ERFL: variants seen among roughly 807,000 people sequenced by gnomAD.
ERFL encodes ETS domain-containing transcription factor ERF-like.
A neutral mutation model predicts 27.9 loss-of-function variants in ERFL; 8 were observed. That is an observed-to-expected ratio of 0.29 (90% CI 0.17 to 0.52). The LOEUF is 0.52. Ranked by LOEUF, ERFL falls within the 20% of genes least tolerant of loss-of-function variation. The pLI is 0.97. For missense variants in ERFL, 294 were observed against 444.4 expected, an observed-to-expected ratio of 0.66 and a Z score of 3.04; for synonymous variants, 174 against 202.8, an observed-to-expected ratio of 0.86 and a Z score of 1.21.
At chr19:41,922,610 C>T (rs924482283) in intron 1 of ERFL, among the ~76,000 whole-genome samples, 2 of 151,372 alleles carry the variant, frequency 1.3e-5, no homozygotes, top group Non-Finnish European at 2.9e-5. Flanking sequence ...CTCCGAGGGA[C>T]GAGGGACCAG....
At chr19:41,926,705 GC>G (rs1254156318) in intron 1 of ERFL, among the ~76,000 whole-genome samples, 1 of 150,670 alleles carries the variant, frequency 6.6e-6, no homozygotes, top group African/African-American at 2.4e-5. Flanking sequence ...GGCCGCGGCG[GC>G]CGGCCGGGAG....
In ERFL at chr19:41,908,878, C is replaced by G. The variant is rs1555850981; in HGVS notation, c.616+182G>C. On this transcript the variant is annotated intron_variant, in intron 5 of 5. Coordinates refer to ENST00000597630, the MANE Select transcript of ERFL (RefSeq NM_001365103.2). The surrounding 1 kb of genome is among the most constrained non-coding windows in gnomAD (Gnocchi z 6.7). The stretch of plus-strand genomic sequence containing the variant: ...ATTCCTTAGGCACCCCTGAAAGCCC[C>G]TGTCTCCCTCATTTCCCCTCCCTCA... Among the ~76,000 whole-genome samples, 1 of 151,872 alleles carries G rather than the reference C, an allele frequency of 6.6e-6. No individual in the cohort carries two copies. Among genetic ancestry groups the G allele is most frequent in the Non-Finnish European group, 1.5e-5 (1 of 67,926 alleles).
chr19:41,914,574 CGTCTCTCCCTCCCTTTCCACCATCTCT>C (rs1487785945), intron 1 of ERFL, among the ~76,000 whole-genome samples: 473 of 17,936 alleles, frequency 0.026, 104 homozygotes, highest in African/African-American at 0.073. Context: ...TCTCTGTCTC[CGTCTCTCCCTCCCTTTCCACCATCTCT>C]GTCTCTCCCT....
rs1235028004 is a variant in ERFL, at chr19:41,917,598, C to T, written c.-13-4666G>A. On this transcript the variant is annotated intron_variant, in intron 1 of 5. Coordinates refer to ENST00000597630, the MANE Select transcript of ERFL (RefSeq NM_001365103.2). The surrounding 1 kb of genome is among the most constrained non-coding windows in gnomAD (Gnocchi z 4.8). ...AGAGGAGAGAGACGCGGCCTAAGAC[C>T]CTTCTGCCACCGCCGCCCCCGCATG... is the stretch of plus-strand genomic sequence containing the variant. Among the ~76,000 whole-genome samples, 3 of 151,862 alleles carry T rather than the reference C, an allele frequency of 2.0e-5. No homozygotes were observed. The highest frequency in any genetic ancestry group is 2.1e-4 in the South Asian group (1 of 4,808).
rs1256187132 is a variant in ERFL, at chr19:41,909,411, G to A, written c.363C>T (p.Phe121=). The part of the protein sequence containing the change: ...KTKGKRFTYK[F]NFSKVVLVNY... Reference sequence around the variant, plus strand: ...TGACAAGCACGACTTTGCTGAAGTTGAACTTGTAGGTGAACCTCTTCCCTT... The same window carrying A: ...TGACAAGCACGACTTTGCTGAAGTTAAACTTGTAGGTGAACCTCTTCCCTT... Residue 121 remains phenylalanine (F), a synonymous_variant, in exon 4 of 6, where the codon TTC becomes TTT. Coordinates refer to ENST00000597630, the MANE Select transcript of ERFL (RefSeq NM_001365103.2). The surrounding 1 kb of genome is among the most constrained non-coding windows in gnomAD (Gnocchi z 5.2). The A allele has an allele frequency of 8.1e-7, 1 of 1,237,688 alleles. No individual in the cohort carries two copies. Among genetic ancestry groups the A allele is most frequent in the Admixed American group, 4.2e-5 (1 of 23,916 alleles). 76.7% of individuals were successfully genotyped at this position (1,237,688 alleles called of 1,614,324 possible). A position where few individuals can be genotyped will look rare whatever the true frequency, so the allele number is the denominator to read the frequency against.
chr19:41,908,700 G>C lies in ERFL; in HGVS notation c.617-24C>G. ...ACCTGGGGGGCACAGGGGTAGGTCA[G>C]GCTGGGGCACCTGCCTGCCTGGGGA... On this transcript the variant is annotated intron_variant, in intron 5 of 5. Transcript: ENST00000597630. This position sits in a 1 kb window ranked among gnomAD's most constrained non-coding sequence, Gnocchi z 6.7. The C allele has an allele frequency of 8.3e-7, 1 of 1,210,824 alleles. No individual in the cohort carries two copies. Among genetic ancestry groups the C allele is most frequent in the Non-Finnish European group, 1.0e-6 (1 of 968,974 alleles). The allele number at this position is 1,210,824 out of a possible 1,614,324, so 75.0% of individuals were successfully genotyped here. A position where few individuals can be genotyped will look rare whatever the true frequency, so the allele number is the denominator to read the frequency against.
rs2074736812 is a variant in ERFL at position 41,909,014 on chromosome 19, C to T, written c.616+46G>A. ...TCATCCTCTTCCCTCAAGCCTGCAG[C>T]TTCTCCCACTGTGCCCCCAGCACCC... On this transcript the variant is annotated intron_variant, in intron 5 of 5. Coordinates refer to ENST00000597630, the MANE Select transcript of ERFL (RefSeq NM_001365103.2). This position sits in a 1 kb window ranked among gnomAD's most constrained non-coding sequence, Gnocchi z 5.2. 15 of 1,125,000 alleles carry T rather than the reference C, an allele frequency of 1.3e-5. No individual in the cohort carries two copies. Among genetic ancestry groups the T allele is most frequent in the South Asian group, 9.1e-5 (2 of 21,878 alleles). 69.7% of individuals were successfully genotyped at this position (1,125,000 alleles called of 1,614,324 possible). A position where few individuals can be genotyped will look rare whatever the true frequency, so the allele number is the denominator to read the frequency against.
chr19:41,925,996 A>G (rs1164145676), intron 1 of ERFL, among the ~76,000 whole-genome samples: 3 of 151,960 alleles, frequency 2.0e-5, no homozygotes, highest in Non-Finnish European at 4.4e-5. Context: ...GAGTGTGTGC[A>G]TGTGTGGTGA....
At chr19:41,926,878 G>A (rs1401871347) in intron 1 of ERFL, among the ~76,000 whole-genome samples, 4 of 152,116 alleles carry the variant, frequency 2.6e-5, no homozygotes, top group Non-Finnish European at 5.9e-5. Flanking sequence ...GGAAACCAGC[G>A]AGGGGGAGAC....
chr19:41,915,486 G>A (rs951456029), intron 1 of ERFL, among the ~76,000 whole-genome samples: 12 of 151,476 alleles, frequency 7.9e-5, no homozygotes, highest in African/African-American at 2.4e-4. Flanking sequence ...GTGTCCCCAC[G>A]TCTCTGTGTC....
rs140639788 is a variant in ERFL at position 41,912,101 on chromosome 19, C to T, written c.67+752G>A. 2.0e-3 allele frequency among the ~76,000 whole-genome samples: 307 copies of T among 152,278 alleles called. 5 individuals carry two copies. The highest frequency in any genetic ancestry group is 0.014 in the Middle Eastern group (4 of 294). On this transcript the variant is annotated intron_variant, in intron 2 of 5. Coordinates refer to ENST00000597630, the MANE Select transcript of ERFL (RefSeq NM_001365103.2). Reference sequence around the variant, plus strand: ...GAGGCACAGTCGGAGAGCTGGCAGACGCCCCCATCCCAAAATGCGGACACG... The same window carrying T: ...GAGGCACAGTCGGAGAGCTGGCAGATGCCCCCATCCCAAAATGCGGACACG...
In ERFL at chr19:41,909,687, T is replaced by C. The variant is rs2074741570; in HGVS notation, c.302+176A>G. 6.6e-6 allele frequency among the ~76,000 whole-genome samples: 1 copy of C among 152,096 alleles called. No homozygotes were observed. The highest frequency in any genetic ancestry group is 1.5e-5 in the Non-Finnish European group (1 of 67,984). The stretch of plus-strand genomic sequence containing the variant: ...CCTGCAAGACTCCAAAGCCCAGGTT[T>C]AGGGGTCCCTCCTCCTCGCCTCCCT... On this transcript the variant is annotated intron_variant, in intron 3 of 5. Coordinates refer to ENST00000597630, the MANE Select transcript of ERFL (RefSeq NM_001365103.2). The surrounding 1 kb of genome is among the most constrained non-coding windows in gnomAD (Gnocchi z 5.2).
Position 41,915,334 on chromosome 19 carries a change from C to G in ERFL, c.-13-2402G>C, listed in dbSNP as rs553842344. ...GCAGTCTCTGTGCCCAGCCTTCGTC[C>G]TGTGTCAGGCCCCACAGGGACCTGG... is the stretch of plus-strand genomic sequence containing the variant. On this transcript the variant is annotated intron_variant, in intron 1 of 5. Transcript: ENST00000597630. Among the ~76,000 whole-genome samples, 14 of 151,698 alleles carry G rather than the reference C, an allele frequency of 9.2e-5. No individual in the cohort carries two copies. In the South Asian group the frequency reaches 2.9e-3, roughly 32 times the overall value.
chr19:41,925,963 T>C (rs2074868492), intron 1 of ERFL, among the ~76,000 whole-genome samples: 1 of 151,904 alleles, frequency 6.6e-6, no homozygotes, highest in Non-Finnish European at 1.5e-5. Flanking sequence ...AGTGCTTGTG[T>C]GCAACAGAAG....
At chr19:41,925,375 C>T (rs574774179) in intron 1 of ERFL, among the ~76,000 whole-genome samples, 1 of 152,036 alleles carries the variant, frequency 6.6e-6, no homozygotes, top group South Asian at 2.1e-4. Context: ...TGTGGGAAAA[C>T]AGGTATACAG....
Position 41,921,720 on chromosome 19 carries a change from G to A in ERFL, c.-14+6320C>T, listed in dbSNP as rs1555852511. On this transcript the variant is annotated intron_variant, in intron 1 of 5. Transcript: ENST00000597630. This position sits in a 1 kb window ranked among gnomAD's most constrained non-coding sequence, Gnocchi z 4.4. ...CAGGAGAGGGATGCAGGCGAGCCCG[G>A]CCCTGGAGGTGGAGTGGAAGGCTCA... Among the ~76,000 whole-genome samples, 1 of 152,068 alleles carries A rather than the reference G, an allele frequency of 6.6e-6. No homozygotes were observed. Among genetic ancestry groups the A allele is most frequent in the Admixed American group, 6.5e-5 (1 of 15,270 alleles).
rs564872932 is a variant in ERFL, at chr19:41,910,523, G to A, written c.68-426C>T. Among the ~76,000 whole-genome samples the A allele has an allele frequency of 4.1e-3, 626 of 152,188 alleles. 4 individuals are homozygous for A. Among genetic ancestry groups the A allele is most frequent in the African/African-American group, 0.015 (612 of 41,528 alleles). ...CCCTGCGGTGCCCTCAGCTCTTACTGTCTCTGTTCCCCATTCCCTGTCCCC... is the reference window on the plus strand; with the variant it reads ...CCCTGCGGTGCCCTCAGCTCTTACTATCTCTGTTCCCCATTCCCTGTCCCC... On this transcript the variant is annotated intron_variant, in intron 2 of 5. Transcript: ENST00000597630. This position sits in a 1 kb window ranked among gnomAD's most constrained non-coding sequence, Gnocchi z 4.4.
chr19:41,922,935 T>C (rs553941128), intron 1 of ERFL, among the ~76,000 whole-genome samples: 71 of 151,810 alleles, frequency 4.7e-4, no homozygotes, highest in African/African-American at 1.7e-3. Flanking sequence ...TCTGCCCACC[T>C]CTCCCTCCAT....
chr19:41,908,952 C>T lies in ERFL; in HGVS notation c.616+108G>A. 1.5e-6 allele frequency: 1 copy of T among 679,924 alleles called. No individual in the cohort carries two copies. Among genetic ancestry groups the T allele is most frequent in the South Asian group, 8.0e-5 (1 of 12,552 alleles). The allele number at this position is 679,924 out of a possible 1,614,324, so 42.1% of individuals were successfully genotyped here. ...ACACACACACACCCTACAACCTGGCCCTGGGCCCCCTTCCCCATCTCTTCT... is the reference window on the plus strand; with the variant it reads ...ACACACACACACCCTACAACCTGGCTCTGGGCCCCCTTCCCCATCTCTTCT... On this transcript the variant is annotated intron_variant, in intron 5 of 5. Coordinates refer to ENST00000597630, the MANE Select transcript of ERFL (RefSeq NM_001365103.2). The surrounding 1 kb of genome is among the most constrained non-coding windows in gnomAD (Gnocchi z 6.7).
Sources: allele counts gnomAD v4.1 joint callset (sites outside exome capture counted in the v4.1 genomes callset), GRCh38; gene constraint gnomAD v4.1.1; non-coding constraint Gnocchi (gnomAD v3.1); transcripts MANE v1.5; gene names NCBI Gene and HGNC (gene_info 2026-07-23, HGNC 2026-07-21).